RPS6KA5: variants seen among roughly 807,000 people sequenced by gnomAD.
The protein encoded by RPS6KA5 is ribosomal protein S6 kinase alpha-5.
A neutral mutation model predicts 85.5 loss-of-function variants in RPS6KA5; 27 were observed. That is an observed-to-expected ratio of 0.32 (90% confidence interval 0.23 to 0.44). The LOEUF is 0.44. Among genes scored for constraint, RPS6KA5 ranks in the 20% least tolerant of loss-of-function variants. RPS6KA5 has a pLI of 1.00. For synonymous variants in RPS6KA5, 334 were observed against 348.2 expected (o/e 0.96, Z 0.46); for missense variants, 811 against 980.9 (o/e 0.83, Z 2.31).
At chr14:90,995,006 G>A (rs1336844857) in intron 2 of RPS6KA5, among the ~76,000 whole-genome samples, 2 of 152,136 alleles carry the variant, frequency 1.3e-5, no homozygotes, top group African/African-American at 4.8e-5. Context: ...CAATTCATAA[G>A]TAGAATAAAC....
chr14:90,987,033 G>T (rs1566829983), intron 2 of RPS6KA5, among the ~76,000 whole-genome samples: 1 of 152,154 alleles, frequency 6.6e-6, no homozygotes, highest in Non-Finnish European at 1.5e-5. Context: ...ACACTAGAGA[G>T]ACAATGTCAT....
intron 14 of RPS6KA5, among the ~76,000 whole-genome samples, chr14:90,878,901 A>G (rs965628588): frequency 2.0e-5 from 3 of 152,216 alleles, no homozygotes; most frequent in Admixed American, 6.5e-5. Flanking sequence ...CCTGCCAATT[A>G]GCAGGAAGCT....
At chr14:91,035,847 C>CAAAAAAAAAAAAAAAA (rs199625173) in intron 1 of RPS6KA5, among the ~76,000 whole-genome samples, 8 of 69,906 alleles carry the variant, frequency 1.1e-4, no homozygotes, top group African/African-American at 2.0e-4. Context: ...CCCTCACCTT[C>CAAAAAAAAAAAAAAAA]AAAAAAAAAA....
chr14:91,048,970 G>T (rs1595556672), intron 1 of RPS6KA5, among the ~76,000 whole-genome samples: 1 of 152,210 alleles, frequency 6.6e-6, no homozygotes, highest in Non-Finnish European at 1.5e-5. Context: ...TGAGGCTTCA[G>T]AATATTTCCT....
intron 1 of RPS6KA5, among the ~76,000 whole-genome samples, chr14:91,015,798 C>A (rs1171095725): frequency 6.6e-6 from 1 of 152,194 alleles, no homozygotes; most frequent in Admixed American, 6.5e-5. Flanking sequence ...ACAGCCAACT[C>A]ATTTTTCAAG....
At chr14:90,957,861 G>A (rs1255055921) in intron 3 of RPS6KA5, among the ~76,000 whole-genome samples, 3 of 151,352 alleles carry the variant, frequency 2.0e-5, no homozygotes, top group African/African-American at 7.3e-5. Flanking sequence ...TTAGTTTTAG[G>A]TCAGGTGTGG....
At chr14:91,052,884 A>G (rs561983298) in intron 1 of RPS6KA5, among the ~76,000 whole-genome samples, 41 of 152,142 alleles carry the variant, frequency 2.7e-4, no homozygotes, top group African/African-American at 9.4e-4. Context: ...AACTCAATCA[A>G]GAATATTTTG....
chr14:90,906,917 A>G (rs1404318624), intron 7 of RPS6KA5, among the ~76,000 whole-genome samples: 2 of 152,300 alleles, frequency 1.3e-5, no homozygotes, highest in African/African-American at 2.4e-5. Context: ...TTGCTGCTAT[A>G]AAACAGCCAG....
In RPS6KA5 at chr14:90,862,931, G is replaced by C. The variant is rs1437778375; in HGVS notation, c.*9143C>G. On this transcript the variant is annotated 3_prime_UTR_variant, in exon 17 of 17. Transcript: ENST00000614987. ...ATACAAGATTATCTCAACAGAGGCAGAAAAAGCATTTAGTAAAAACTCTCT... is the reference window on the plus strand; with the variant it reads ...ATACAAGATTATCTCAACAGAGGCACAAAAAGCATTTAGTAAAAACTCTCT... The C allele has an allele frequency of 3.3e-5, 5 of 151,884 alleles. No individual in the cohort carries two copies. Among genetic ancestry groups the C allele is most frequent in the African/African-American group, 9.7e-5 (4 of 41,264 alleles). The allele number at this position is 151,884 out of a possible 1,614,324, so 9.4% of individuals were successfully genotyped here.
intron 1 of RPS6KA5, among the ~76,000 whole-genome samples, chr14:91,029,432 A>C (rs1359445567): frequency 6.6e-6 from 1 of 152,252 alleles, no homozygotes; most frequent in Non-Finnish European, 1.5e-5. Context: ...TTAATTAAAA[A>C]AATAAAACCA....
At chr14:90,949,957 T>C (rs368972402) in intron 3 of RPS6KA5, among the ~76,000 whole-genome samples, 74 of 152,274 alleles carry the variant, frequency 4.9e-4, no homozygotes, top group African/African-American at 1.7e-3. Flanking sequence ...TTATTTAATT[T>C]TGAGGGGGCA....
At chr14:90,955,586 C>A (rs968399464) in intron 3 of RPS6KA5, among the ~76,000 whole-genome samples, 3 of 152,020 alleles carry the variant, frequency 2.0e-5, no homozygotes, top group Non-Finnish European at 2.9e-5. Context: ...GATTTCTTTT[C>A]TCATTCCATT....
chr14:90,882,085 TGTTTA>T (rs1398289939), intron 14 of RPS6KA5, among the ~76,000 whole-genome samples: 1 of 152,238 alleles, frequency 6.6e-6, no homozygotes, highest in African/African-American at 2.4e-5. Flanking sequence ...CCTTCTTTTA[TGTTTA>T]GTTTATTTTT....
At chr14:90,969,256 G>T (rs774392591) in intron 3 of RPS6KA5, among the ~76,000 whole-genome samples, 1 of 152,120 alleles carries the variant, frequency 6.6e-6, no homozygotes, top group South Asian at 2.1e-4. Context: ...TGGAATTAAC[G>T]TTAGGGTAAA....
In RPS6KA5 at chr14:90,869,016, T is replaced by C. The variant is rs2032932136; in HGVS notation, c.*3058A>G. The C allele has an allele frequency of 6.6e-6, 1 of 152,190 alleles. No homozygotes were observed. Among genetic ancestry groups the C allele is most frequent in the Non-Finnish European group, 1.5e-5 (1 of 68,040 alleles). 9.4% of individuals were successfully genotyped at this position (152,190 alleles called of 1,614,324 possible). On this transcript the variant is annotated 3_prime_UTR_variant, in exon 17 of 17. Coordinates refer to ENST00000614987, the MANE Select transcript of RPS6KA5 (RefSeq NM_004755.4). ...CTATTCTAGTAATTCAGTGGTTTCT[T>C]ACTTTATAAAGGTTTGGAAGAATTA...
At chr14:90,988,618 G>A (rs1284312872) in intron 2 of RPS6KA5, among the ~76,000 whole-genome samples, 4 of 152,274 alleles carry the variant, frequency 2.6e-5, no homozygotes, top group Non-Finnish European at 4.4e-5. Context: ...GGTGAGACCA[G>A]CCTGGCCAAC....
chr14:90,964,908 C>T (rs1284815375), intron 3 of RPS6KA5, among the ~76,000 whole-genome samples: 1 of 129,012 alleles, frequency 7.8e-6, no homozygotes, highest in Non-Finnish European at 1.6e-5. Flanking sequence ...GAGTGAGACC[C>T]TGTCTCAAAA....
intron 2 of RPS6KA5, among the ~76,000 whole-genome samples, chr14:90,980,822 G>A (rs1361689734): frequency 6.6e-6 from 1 of 152,210 alleles, no homozygotes; most frequent in Non-Finnish European, 1.5e-5. Context: ...CCTCTTCCAA[G>A]AGGAGGAAGT....
At chr14:91,012,776 G>A (rs2041314460) in intron 1 of RPS6KA5, among the ~76,000 whole-genome samples, 1 of 152,214 alleles carries the variant, frequency 6.6e-6, no homozygotes, top group Non-Finnish European at 1.5e-5. Context: ...CTTCAGTGAA[G>A]ATTTCTGAAG....
Sources: allele counts gnomAD v4.1 joint callset (sites outside exome capture counted in the v4.1 genomes callset), GRCh38; gene constraint gnomAD v4.1.1; transcripts MANE v1.5; gene names NCBI Gene and HGNC (gene_info 2026-07-23, HGNC 2026-07-21).